ABAT: variants seen among roughly 807,000 people sequenced by gnomAD.
ABAT encodes 4-aminobutyrate aminotransferase, mitochondrial.
ABAT carries 45 observed loss-of-function variants against 64.6 expected under a neutral mutation model. The ratio of observed to expected loss-of-function variants is 0.70; its 90% CI spans 0.55 to 0.89. The LOEUF is 0.89. Among genes scored for constraint, ABAT ranks in the 40% least tolerant of loss-of-function variants. The pLI, the probability that ABAT is intolerant of heterozygous loss-of-function variation, is 0.00. For missense variants in ABAT, 633 were observed against 658.4 expected (o/e 0.96, Z 0.42); for synonymous variants, 297 against 250.5 (o/e 1.19, Z -1.75).
intron 2 of ABAT, among the ~76,000 whole-genome samples, chr16:8,744,412 G>T (rs533237847): frequency 6.6e-6 from 1 of 151,914 alleles, no homozygotes; most frequent in African/African-American, 2.4e-5. Flanking sequence ...TTGTTACCCA[G>T]TCTGAAGTGC....
chr16:8,774,658 G>A (rs983682732), intron 12 of ABAT, among the ~76,000 whole-genome samples: 6 of 152,162 alleles, frequency 3.9e-5, no homozygotes, highest in African/African-American at 1.2e-4. Flanking sequence ...TTTTGGTCCA[G>A]CTTAGCAGTT....
intron 8 of ABAT, chr16:8,765,839 G>T (rs920535769): frequency 4.5e-6 from 1 of 222,238 alleles, no homozygotes; most frequent in Admixed American, 5.1e-5. Context: ...GCCCAGCATG[G>T]TCTCAAACTC....
chr16:8,743,288 T>C (rs79595399), intron 2 of ABAT, among the ~76,000 whole-genome samples: 3,787 of 142,896 alleles, frequency 0.027, 102 homozygotes, highest in African/African-American at 0.074. Context: ...TAGCTTTGTA[T>C]AGTTCGACAA....
intron 1 of ABAT, among the ~76,000 whole-genome samples, chr16:8,711,991 G>T (rs2058088276): frequency 9.4e-6 from 1 of 106,446 alleles, no homozygotes; most frequent in Non-Finnish European, 2.1e-5. Flanking sequence ...TGTAATCCTA[G>T]CACTTTGGGA....
rs146300820 is a variant in ABAT at position 8,774,786 on chromosome 16, G to C, written c.955-104G>C. On this transcript the variant is annotated intron_variant, in intron 12 of 15. Transcript: ENST00000268251. Reference sequence around the variant, plus strand: ...GGTTTGCTCTTCAGAAAACAAGCACGATGTGTGTGGACCCAGGGTTTGGCA... The same window carrying C: ...GGTTTGCTCTTCAGAAAACAAGCACCATGTGTGTGGACCCAGGGTTTGGCA... The C allele has an allele frequency of 4.3e-5, 60 of 1,407,062 alleles. No homozygotes were observed. The South Asian group carries it at 6.9e-4, about 16-fold the overall frequency. 87.2% of individuals were successfully genotyped at this position (1,407,062 alleles called of 1,614,324 possible).
At position 8,757,780 on chromosome 16, in the gene ABAT, A is replaced by C; in HGVS notation, c.340A>C (p.Lys114Gln). 6.2e-7 allele frequency: 1 copy of C among 1,614,136 alleles called. No individual in the cohort carries two copies. The highest frequency in any genetic ancestry group is 8.5e-7 in the Non-Finnish European group (1 of 1,179,992). ...PIGYSHPALLKLIQQPQNASM... is the reference protein window; with the variant it reads ...PIGYSHPALLQLIQQPQNASM... ...AGGTTACAGCCACCCCGCCCTGCTG[A>C]AACTCATCCAACAGCCTCAAAATGC... Residue 114 changes from lysine to glutamine, a missense_variant, in exon 6 of 16, where the codon AAA (lysine) becomes CAA (glutamine). Transcript: ENST00000268251.
rs2059935310 is a variant in ABAT at position 8,766,130 on chromosome 16, A to G, written c.541-78A>G. The G allele has an allele frequency of 2.2e-5, 30 of 1,361,076 alleles. No individual in the cohort carries two copies. The South Asian group carries it at 3.3e-4, about 15-fold the overall frequency. The allele number at this position is 1,361,076 out of a possible 1,614,324, so 84.3% of individuals were successfully genotyped here. A position where few individuals can be genotyped will look rare whatever the true frequency, so the allele number is the denominator to read the frequency against. On this transcript the variant is annotated intron_variant, in intron 8 of 15. Transcript: ENST00000268251. ...AGCACTTTCTACTTGTCTGGACTGA[A>G]TATCGGTTTGGTTGGAAAGATGAAG... is the stretch of plus-strand genomic sequence containing the variant.
intron 1 of ABAT, among the ~76,000 whole-genome samples, chr16:8,702,962 C>G (rs561390331): frequency 1.3e-5 from 2 of 152,068 alleles, no homozygotes; most frequent in East Asian, 3.9e-4. Flanking sequence ...AAGATGGAGC[C>G]AACAGGATTG....
chr16:8,766,660 A>G (rs931344016), intron 9 of ABAT, among the ~76,000 whole-genome samples: 3 of 149,748 alleles, frequency 2.0e-5, no homozygotes, highest in Non-Finnish European at 4.4e-5. Flanking sequence ...TCTCAAAACA[A>G]ACAAAAAAAC....
At chr16:8,674,931 C>T (rs2057160060) in intron 1 of ABAT, among the ~76,000 whole-genome samples, 1 of 152,284 alleles carries the variant, frequency 6.6e-6, no homozygotes, top group African/African-American at 2.4e-5. Context: ...GCCCTTCCTC[C>T]TGGCTCCAGC....
At chr16:8,682,839 G>A (rs1482904952) in intron 1 of ABAT, among the ~76,000 whole-genome samples, 1 of 152,184 alleles carries the variant, frequency 6.6e-6, no homozygotes, top group Admixed American at 6.5e-5. Context: ...AGCTAGAAAT[G>A]CAGAATCTTG....
chr16:8,718,714 G>A (rs1300889162), intron 1 of ABAT, among the ~76,000 whole-genome samples: 1 of 152,200 alleles, frequency 6.6e-6, no homozygotes, highest in Non-Finnish European at 1.5e-5. Flanking sequence ...GAGAACAACA[G>A]GAATAGAAGT....
At chr16:8,712,214 G>C (rs1346533773) in intron 1 of ABAT, among the ~76,000 whole-genome samples, 1 of 152,006 alleles carries the variant, frequency 6.6e-6, no homozygotes, top group African/African-American at 2.4e-5. Flanking sequence ...CTGGATGACA[G>C]AGCAAGACTC....
intron 1 of ABAT, among the ~76,000 whole-genome samples, chr16:8,717,667 C>G (rs966285231): frequency 6.6e-6 from 1 of 152,182 alleles, no homozygotes; most frequent in African/African-American, 2.4e-5. Context: ...CTGTTCCTTT[C>G]TCTCTTAAGA....
intron 1 of ABAT, among the ~76,000 whole-genome samples, chr16:8,729,334 T>G (rs1360372831): frequency 1.3e-5 from 2 of 152,020 alleles, no homozygotes; most frequent in East Asian, 3.9e-4. Flanking sequence ...GGAGTTTTGT[T>G]ATTAGCTGGA....
intron 1 of ABAT, among the ~76,000 whole-genome samples, chr16:8,711,726 A>ATGGATGATGATTGGATGGATG (rs1489993719): frequency 3.2e-5 from 3 of 94,738 alleles, no homozygotes; most frequent in African/African-American, 1.2e-4. Flanking sequence ...ATGGATGGGA[A>ATGGATGATGATTGGATGGATG]GATGGATGGG....
intron 1 of ABAT, among the ~76,000 whole-genome samples, chr16:8,730,318 C>T (rs1246200190): frequency 6.6e-6 from 1 of 152,100 alleles, no homozygotes; most frequent in Admixed American, 6.6e-5. Context: ...CGCCTCCCTC[C>T]TTCATTCACT....
chr16:8,707,523 C>G (rs2057976107), intron 1 of ABAT, among the ~76,000 whole-genome samples: 1 of 151,920 alleles, frequency 6.6e-6, no homozygotes, highest in Non-Finnish European at 1.5e-5. Context: ...ATGAGAGTCC[C>G]TTTTCTTCCT....
intron 8 of ABAT, among the ~76,000 whole-genome samples, chr16:8,765,134 C>A (rs924437770): frequency 9.9e-5 from 15 of 151,940 alleles, no homozygotes; most frequent in African/African-American, 3.6e-4. Flanking sequence ...GAGCTCGAGA[C>A]CAGCCTGGGC....
Sources: gnomAD v4.1 joint callset for allele counts (sites outside exome capture counted in the v4.1 genomes callset) on GRCh38, gnomAD v4.1.1 for gene constraint, MANE v1.5 for transcripts, NCBI Gene and HGNC (gene_info 2026-07-23, HGNC 2026-07-21) for gene names.